Variants in CASP8 observed in about 807,000 individuals in gnomAD.
CASP8 encodes the protein caspase 8, also known as caspase-8.
CASP8 carries 24 observed loss-of-function variants against 46.3 expected under a neutral mutation model. The ratio of observed to expected loss-of-function variants is 0.52; its 90% CI spans 0.38 to 0.73. The LOEUF is 0.73. CASP8 is among the 30% of genes least tolerant of loss of function. The pLI is 0.00. For synonymous variants in CASP8, 188 were observed against 200.4 expected, an observed-to-expected ratio of 0.94 and a Z score of 0.52; for missense variants, 460 against 559.0, an observed-to-expected ratio of 0.82 and a Z score of 1.79.
chr2:201,236,156 C>T (rs1008883278), intron 2 of CASP8, among the ~76,000 whole-genome samples: 5 of 152,116 alleles, frequency 3.3e-5, no homozygotes, highest in Non-Finnish European at 7.4e-5. Context: ...CAAAATATTT[C>T]GTATGCCCTC....
chr2:201,257,582 G>A (rs905060527), upstream of CASP8, among the ~76,000 whole-genome samples: 1 of 151,954 alleles, frequency 6.6e-6, no homozygotes, highest in Admixed American at 6.6e-5. Flanking sequence ...ATGCTACAAA[G>A]ACACGGGTTA....
At chr2:201,245,732 A>T (rs191205374) in intron 2 of CASP8, among the ~76,000 whole-genome samples, 18 of 152,348 alleles carry the variant, frequency 1.2e-4, no homozygotes, top group African/African-American at 4.3e-4. Flanking sequence ...GCTGCAGGCC[A>T]GGTCAGCTGT....
At chr2:201,243,304 A>G (rs1031657503) in intron 2 of CASP8, among the ~76,000 whole-genome samples, 7 of 152,160 alleles carry the variant, frequency 4.6e-5, no homozygotes, top group African/African-American at 1.7e-4. Flanking sequence ...TATACATAAA[A>G]AGGTCAATAC....
In CASP8 at chr2:201,275,099, C is replaced by CA. The variant is rs540660831; in HGVS notation, c.660+153dup. 92 of 672,256 alleles carry CA rather than the reference C, an allele frequency of 1.4e-4. No homozygotes were observed. The African/African-American group carries it at 1.5e-3, about 11-fold the overall frequency. 41.6% of individuals were successfully genotyped at this position (672,256 alleles called of 1,614,324 possible). On this transcript the variant is annotated intron_variant, in intron 6 of 8. Coordinates refer to ENST00000673742, the MANE Select transcript of CASP8 (RefSeq NM_001372051.1). ...TTGAGAACTGTAGAAAAAATTCACA[C>CA]AAAAAAAGTTAAAAATGTGACTTAA...
At chr2:201,254,410 T>C (rs1946923952) in intron 2 of CASP8, among the ~76,000 whole-genome samples, 1 of 152,206 alleles carries the variant, frequency 6.6e-6, no homozygotes, top group Admixed American at 6.5e-5. Context: ...TAGATGTGAA[T>C]GGAATCTGTT....
intron 2 of CASP8, among the ~76,000 whole-genome samples, chr2:201,252,665 C>T (rs1946837647): frequency 6.6e-6 from 1 of 152,186 alleles, no homozygotes; most frequent in Admixed American, 6.5e-5. Flanking sequence ...TGGTCCCCCA[C>T]AACAACATGT....
Position 201,272,192 on chromosome 2 carries a change from C to G in CASP8, c.412-446C>G, listed in dbSNP as rs768744789. On this transcript the variant is annotated intron_variant, in intron 3 of 8. Coordinates refer to ENST00000673742, the MANE Select transcript of CASP8 (RefSeq NM_001372051.1). The surrounding 1 kb of genome is among the most constrained non-coding windows in gnomAD (Gnocchi z 4.4). ...CTGTGTGTGTATCACTGAGTATACT[C>G]TGTGTGTGTTGTATCTGTGTGTGTA... Among the ~76,000 whole-genome samples, 2 of 150,910 alleles carry G rather than the reference C, an allele frequency of 1.3e-5. No individual in the cohort carries two copies. The highest frequency in any genetic ancestry group is 3.0e-5 in the Non-Finnish European group (2 of 67,716).
Position 201,268,949 on chromosome 2 carries a change from G to GTT in CASP8, c.305+2159_305+2160insTT, listed in dbSNP as rs1553602776. ...TGTGTGTGTGTGTGTGTGTGTGTGT[G>GTT]TGTGTGTGAGACAGTGTCTCACTAC... On this transcript the variant is annotated intron_variant, in intron 2 of 8. Transcript: ENST00000673742. 5.3e-4 allele frequency among the ~76,000 whole-genome samples: 79 copies of GTT among 149,588 alleles called. No individual in the cohort carries two copies. The East Asian group carries it at 9.2e-3, about 17-fold the overall frequency.
rs35655821 is a variant in CASP8, at chr2:201,269,695, A to C, written c.306-1821A>C. 928 of 858,224 alleles carry C rather than the reference A, an allele frequency of 1.1e-3. 2 individuals carry two copies. The highest frequency in any genetic ancestry group is 2.4e-3 in the Admixed American group (122 of 49,842). The allele number at this position is 858,224 out of a possible 1,614,324, so 53.2% of individuals were successfully genotyped here. A position where few individuals can be genotyped will look rare whatever the true frequency, so the allele number is the denominator to read the frequency against. ...CTTACTGCTTGTTCATTATCATTGA[A>C]TACTAGCCAGAAGCTAATAAATATG... On this transcript the variant is annotated intron_variant, in intron 2 of 8. Coordinates refer to ENST00000673742, the MANE Select transcript of CASP8 (RefSeq NM_001372051.1).
Position 201,285,309 on chromosome 2 carries a change from A to G in CASP8, c.1296A>G (p.Arg432=). Residue 432 remains arginine, a synonymous_variant, in exon 8 of 9, where the codon CGA becomes CGG. Coordinates refer to ENST00000673742, the MANE Select transcript of CASP8 (RefSeq NM_001372051.1). ...CACTTTGCCAGAGCCTGAGAGAGCG[A>G]TGTCCTCGGTAAGTTTTGCCTACTC... The part of the protein sequence containing the change: ...IQSLCQSLRE[R]CPRGDDILTI... 1 of 1,613,386 alleles carries G rather than the reference A, an allele frequency of 6.2e-7. No homozygotes were observed. The highest frequency in any genetic ancestry group is 8.5e-7 in the Non-Finnish European group (1 of 1,180,026).
At chr2:201,241,972 T>G (rs1482011665) in intron 2 of CASP8, 1 of 152,210 alleles carries the variant, frequency 6.6e-6, no homozygotes, top group Non-Finnish European at 1.5e-5. Flanking sequence ...TCTCAATAGA[T>G]GCAGAGAAAG....
chr2:201,275,309 C>T (rs1286642722), intron 6 of CASP8, among the ~76,000 whole-genome samples: 1 of 152,112 alleles, frequency 6.6e-6, no homozygotes, highest in African/African-American at 2.4e-5. Context: ...TGGAAAAAGC[C>T]AAGCCTTTTC....
Position 201,266,641 on chromosome 2 carries a change from G to A in CASP8, c.155G>A (p.Arg52Lys). ...TTATTCCAGAGACTCCAGGAAAAGA[G>A]AATGTTGGAGGAAAGCAATCTGTCC... ...LMLFQRLQEKRMLEESNLSFL... is the reference protein window; with the variant it reads ...LMLFQRLQEKKMLEESNLSFL... The change falls in exon 2 of 9, where the codon AGA becomes AAA. Residue 52 changes from arginine to lysine, a missense_variant. Physicochemically the swap from Arg to Lys is conservative, Grantham distance 26. Transcript: ENST00000673742. The surrounding 1 kb of genome is among the most constrained non-coding windows in gnomAD (Gnocchi z 5.7). 6.2e-7 allele frequency: 1 copy of A among 1,614,146 alleles called. No homozygotes were observed. Among genetic ancestry groups the A allele is most frequent in the Non-Finnish European group, 8.5e-7 (1 of 1,180,006 alleles).
intron 5 of CASP8, 116 bp downstream of exon 5, chr2:201,273,058 C>CTTTT (rs397826156): frequency 7.9e-5 from 47 of 596,286 alleles, no homozygotes; most frequent in Non-Finnish European, 1.1e-4. Flanking sequence ...TCTACTTTTT[C>CTTTT]TTTTTTTTTT....
intron 7 of CASP8, chr2:201,277,925 T>A (rs1025715234): frequency 4.6e-6 from 1 of 215,306 alleles, no homozygotes; most frequent in African/African-American, 2.4e-5. Context: ...GGTCTTGAAC[T>A]CCTGACCTCA....
At chr2:201,245,117 T>C (rs1305962060) in intron 2 of CASP8, among the ~76,000 whole-genome samples, 2 of 152,358 alleles carry the variant, frequency 1.3e-5, no homozygotes, top group East Asian at 3.9e-4. Flanking sequence ...TTGGGCCCAT[T>C]GATGTGTGGC....
rs1221467837 is a variant in CASP8, at chr2:201,272,100, CTG to C, written c.411+489_411+490del. 2.6e-5 allele frequency among the ~76,000 whole-genome samples: 4 copies of C among 151,122 alleles called. No individual in the cohort carries two copies. The highest frequency in any genetic ancestry group is 5.9e-5 in the Non-Finnish European group (4 of 67,716). On this transcript the variant is annotated intron_variant, in intron 3 of 8. Transcript: ENST00000673742. This position sits in a 1 kb window ranked among gnomAD's most constrained non-coding sequence, Gnocchi z 4.4. The stretch of plus-strand genomic sequence containing the variant: ...AAGTGGTGTGTGTGTCTGTGTATCT[CTG>C]TGTGTGTGTTCTCTGTGTGGTATGT...
At chr2:201,241,965 C>T (rs1946318559) in intron 2 of CASP8, 1 of 152,164 alleles carries the variant, frequency 6.6e-6, no homozygotes, top group Non-Finnish European at 1.5e-5. Context: ...ATGATCATCT[C>T]AATAGATGCA....
intron 2 of CASP8, among the ~76,000 whole-genome samples, chr2:201,243,302 A>G (rs1312047266): frequency 1.3e-5 from 2 of 152,182 alleles, no homozygotes; most frequent in Admixed American, 1.3e-4. Flanking sequence ...CCTATACATA[A>G]AAAGGTCAAT....
Sources: allele counts gnomAD v4.1 joint callset (sites outside exome capture counted in the v4.1 genomes callset), GRCh38; gene constraint gnomAD v4.1.1; non-coding constraint Gnocchi (gnomAD v3.1); transcripts MANE v1.5; gene names NCBI Gene and HGNC (gene_info 2026-07-23, HGNC 2026-07-21).